IQCM: variants seen among roughly 807,000 people sequenced by gnomAD.
IQCM encodes the protein IQ motif containing M.
IQCM carries 45 observed loss-of-function variants against 57.6 expected under a neutral mutation model. That is an observed-to-expected ratio of 0.78 (90% CI 0.62 to 1.00). IQCM has a LOEUF of 1.00. Among genes scored for constraint, IQCM ranks in the 50% least tolerant of loss-of-function variants. IQCM has a pLI of 0.00. For missense variants in IQCM, 468 were observed against 511.6 expected (o/e 0.91, Z 0.82); for synonymous variants, 148 against 158.9 (o/e 0.93, Z 0.51).
intron 5 of IQCM, among the ~76,000 whole-genome samples, chr4:149,701,177 G>T (rs1566802): frequency 0.21 from 31,695 of 151,916 alleles, 4,129 homozygotes; most frequent in Non-Finnish European, 0.28. Context: ...AACCCCAGCT[G>T]GGATACTGTC....
At chr4:149,791,426 G>A (rs1772599932) in intron 2 of IQCM, among the ~76,000 whole-genome samples, 1 of 152,046 alleles carries the variant, frequency 6.6e-6, no homozygotes, top group Non-Finnish European at 1.5e-5. Flanking sequence ...CTTTTTGTTA[G>A]AAACATTTCA....
intron 13 of IQCM, among the ~76,000 whole-genome samples, chr4:149,355,317 T>C (rs997953894): frequency 1.3e-5 from 2 of 152,070 alleles, no homozygotes; most frequent in Admixed American, 1.3e-4. Context: ...TATGTATACA[T>C]GTGCCATGTT....
At chr4:149,799,602 AAAAG>A (rs1773421481) in intron 2 of IQCM, among the ~76,000 whole-genome samples, 1 of 151,814 alleles carries the variant, frequency 6.6e-6, no homozygotes, top group African/African-American at 2.4e-5. Context: ...GACTAAGAAA[AAAAG>A]AAAGAAGATA....
intron 2 of IQCM, among the ~76,000 whole-genome samples, chr4:149,748,165 G>A (rs1768104418): frequency 6.6e-6 from 1 of 152,158 alleles, no homozygotes; most frequent in African/African-American, 2.4e-5. Flanking sequence ...GATCTCATGG[G>A]CTTTCCCTGA....
intron 5 of IQCM, among the ~76,000 whole-genome samples, chr4:149,722,124 A>G (rs1290140452): frequency 1.3e-5 from 2 of 151,942 alleles, no homozygotes; most frequent in Non-Finnish European, 2.9e-5. Context: ...TGGTTTACCA[A>G]CTTTTAAATG....
At chr4:149,369,020 A>ATG (rs1560780006) in intron 13 of IQCM, among the ~76,000 whole-genome samples, 1 of 90,426 alleles carries the variant, frequency 1.1e-5, no homozygotes, top group African/African-American at 4.8e-5. Context: ...ACGTGTATAT[A>ATG]TATATATATA....
chr4:149,805,565 TG>T (rs925844338), intron 2 of IQCM, among the ~76,000 whole-genome samples: 2 of 152,092 alleles, frequency 1.3e-5, no homozygotes, highest in East Asian at 1.9e-4. Context: ...CTGTGAAACA[TG>T]ACCTTTCATT....
At chr4:149,746,061 C>T (rs925505125) in intron 2 of IQCM, among the ~76,000 whole-genome samples, 2 of 150,712 alleles carry the variant, frequency 1.3e-5, no homozygotes, top group East Asian at 1.9e-4. Flanking sequence ...AAAGCCTTAT[C>T]GTAATTAGCA....
chr4:149,681,787 A>G (rs765444772), intron 7 of IQCM, among the ~76,000 whole-genome samples: 2 of 151,176 alleles, frequency 1.3e-5, no homozygotes, highest in Non-Finnish European at 3.0e-5. Flanking sequence ...AGAATCATCT[A>G]TATTCTCTTT....
intron 2 of IQCM, among the ~76,000 whole-genome samples, chr4:149,791,430 C>T (rs1349793938): frequency 6.6e-6 from 1 of 152,094 alleles, no homozygotes; most frequent in African/African-American, 2.4e-5. Flanking sequence ...TTGTTAGAAA[C>T]ATTTCAGTTC....
intron 7 of IQCM, among the ~76,000 whole-genome samples, chr4:149,648,595 C>G (rs1758862803): frequency 6.6e-6 from 1 of 152,152 alleles, no homozygotes; most frequent in East Asian, 1.9e-4. Flanking sequence ...ATTTCTAGTT[C>G]TAGATCCCTG....
chr4:149,796,635 T>G (rs190708908), intron 2 of IQCM, among the ~76,000 whole-genome samples: 31 of 152,206 alleles, frequency 2.0e-4, no homozygotes, highest in African/African-American at 6.5e-4. Context: ...GCTTCAGGTT[T>G]TACACAGTGC....
intron 12 of IQCM, among the ~76,000 whole-genome samples, chr4:149,476,538 A>G (rs760675242): frequency 6.6e-6 from 1 of 152,186 alleles, no homozygotes; most frequent in Non-Finnish European, 1.5e-5. Context: ...TCTACTTCAA[A>G]GAAGAAGAGA....
At chr4:149,530,311 G>A (rs1290064956) in intron 12 of IQCM, among the ~76,000 whole-genome samples, 2 of 152,008 alleles carry the variant, frequency 1.3e-5, no homozygotes, top group Non-Finnish European at 2.9e-5. Flanking sequence ...TACAATGTAA[G>A]CTTCAGGAGG....
chr4:149,589,263 A>G (rs1429024991), intron 8 of IQCM, among the ~76,000 whole-genome samples: 4 of 152,102 alleles, frequency 2.6e-5, no homozygotes, highest in South Asian at 2.1e-4. Context: ...TGTCTCCCTC[A>G]GGCGCTCTAA....
intron 13 of IQCM, among the ~76,000 whole-genome samples, chr4:149,354,931 T>A (rs973845198): frequency 1.3e-5 from 2 of 152,094 alleles, no homozygotes; most frequent in African/African-American, 4.8e-5. Context: ...GGTGTGAGAG[T>A]ACATGGGAAC....
intron 12 of IQCM, among the ~76,000 whole-genome samples, chr4:149,519,657 G>C (rs952660786): frequency 6.1e-5 from 9 of 146,716 alleles, no homozygotes; most frequent in Non-Finnish European, 1.4e-4. Context: ...AAAAAAAAAA[G>C]ATTGCTTTCT....
chr4:149,487,265 C>T (rs1472504677), intron 12 of IQCM, among the ~76,000 whole-genome samples: 1 of 152,142 alleles, frequency 6.6e-6, no homozygotes, highest in Non-Finnish European at 1.5e-5. Context: ...ACAACTCTGC[C>T]CAGTGCCCTA....
intron 12 of IQCM, among the ~76,000 whole-genome samples, chr4:149,489,098 T>C (rs1741824098): frequency 6.6e-6 from 1 of 152,126 alleles, no homozygotes; most frequent in African/African-American, 2.4e-5. Flanking sequence ...GAGACTGTGC[T>C]ATTGAACTAC....
Sources: gnomAD v4.1 joint callset for allele counts (sites outside exome capture counted in the v4.1 genomes callset) on GRCh38, gnomAD v4.1.1 for gene constraint, MANE v1.5 for transcripts, NCBI Gene and HGNC (gene_info 2026-07-23, HGNC 2026-07-21) for gene names.